The following COL5A1 variants were observed in gnomAD, a reference collection of about 807,000 sequenced individuals.
COL5A1 encodes the protein collagen type V alpha 1 chain, also known as collagen alpha-1(V) chain.
Under a neutral mutation model 263.7 loss-of-function variants are expected in COL5A1, and 16 were observed. That is an observed-to-expected ratio of 0.06 (90% CI 0.04 to 0.09). COL5A1 has a LOEUF of 0.09. COL5A1 is among the 10% of genes least tolerant of loss of function. The pLI, the probability that COL5A1 is intolerant of heterozygous loss-of-function variation, is 1.00. For synonymous variants in COL5A1, 1,012 were observed against 1,004.5 expected, an observed-to-expected ratio of 1.01 and a Z score of -0.14; for missense variants, 2,036 against 2,540.5, an observed-to-expected ratio of 0.80 and a Z score of 4.27.
intron 1 of COL5A1, among the ~76,000 whole-genome samples, chr9:134,685,824 C>A (rs934176248): frequency 2.7e-5 from 4 of 150,286 alleles, no homozygotes; most frequent in Admixed American, 6.6e-5. Flanking sequence ...ATTCATCCAT[C>A]CATCCATCCA....
chr9:134,824,720 G>A lies in COL5A1; in HGVS notation c.4819G>A (p.Gly1607Ser), dbSNP rs753525012. The A allele has an allele frequency of 4.3e-6, 7 of 1,614,226 alleles. No homozygotes were observed. Among genetic ancestry groups the A allele is most frequent in the Admixed American group, 1.7e-5 (1 of 60,032 alleles). The change falls in exon 62 of 66, where the codon GGC becomes AGC. Residue 1607 changes from glycine to serine, a missense_variant. By Grantham distance (56) the Gly-to-Ser change is moderately conservative (BLOSUM62 0). Coordinates refer to ENST00000371817, the MANE Select transcript of COL5A1 (RefSeq NM_000093.5). Reference protein sequence around the residue: ...NGENYVDYADGMEEIFGSLNS... With the variant: ...NGENYVDYADSMEEIFGSLNS... ...CGAGAACTACGTGGACTACGCGGAC[G>A]GCATGGAAGAGATCTTCGGCTCTCT... is the stretch of plus-strand genomic sequence containing the variant.
intron 1 of COL5A1, among the ~76,000 whole-genome samples, chr9:134,650,274 G>T (rs1176398817): frequency 6.6e-6 from 1 of 152,158 alleles, no homozygotes; most frequent in Non-Finnish European, 1.5e-5. Flanking sequence ...TGATCTCCCA[G>T]TGAGAACACA....
chr9:134,663,163 C>T (rs1445905869), intron 1 of COL5A1, among the ~76,000 whole-genome samples: 3 of 152,242 alleles, frequency 2.0e-5, no homozygotes, highest in Non-Finnish European at 4.4e-5. Context: ...CCATCGGACG[C>T]AGCCCCTATC....
chr9:134,792,357 T>C (rs904941830), intron 32 of COL5A1, among the ~76,000 whole-genome samples: 5 of 152,094 alleles, frequency 3.3e-5, no homozygotes, highest in Non-Finnish European at 7.4e-5. Context: ...TCTGTGCTCA[T>C]CCAGAGAGGT....
At chr9:134,670,010 T>C (rs530584512) in intron 1 of COL5A1, among the ~76,000 whole-genome samples, 2 of 152,380 alleles carry the variant, frequency 1.3e-5, no homozygotes, top group South Asian at 4.1e-4. Context: ...TTTATTTTCC[T>C]TTCCTCACAT....
Position 134,716,163 on chromosome 9 carries a change from G to A in COL5A1, c.655-11103G>A, listed in dbSNP as rs958780916. Among the ~76,000 whole-genome samples the A allele has an allele frequency of 6.6e-6, 1 of 152,126 alleles. No individual in the cohort carries two copies. The highest frequency in any genetic ancestry group is 2.4e-5 in the African/African-American group (1 of 41,430). ...GCTGATTGCTCTGGGGAGTGTTCTG[G>A]TGCAATCCCATTTAGTCCTCTGCTC... On this transcript the variant is annotated intron_variant, in intron 4 of 65. Transcript: ENST00000371817. This position sits in a 1 kb window ranked among gnomAD's most constrained non-coding sequence, Gnocchi z 4.5.
chr9:134,820,100 CT>C lies in COL5A1; in HGVS notation c.4447-14del. 6.2e-7 allele frequency: 1 copy of C among 1,607,518 alleles called. No homozygotes were observed. Among genetic ancestry groups the C allele is most frequent in the African/African-American group, 1.3e-5 (1 of 74,922 alleles). On this transcript the variant is annotated splice_polypyrimidine_tract_variant and intron_variant, in intron 57 of 65. Transcript: ENST00000371817. Reference sequence around the variant, plus strand: ...GGCTCCCTCAAATGCCCCTTCCTGTCTTCATTTTCCCACAGGGTCATCCAGG... The same window carrying C: ...GGCTCCCTCAAATGCCCCTTCCTGTCTCATTTTCCCACAGGGTCATCCAGG...
At chr9:134,822,961 C>A (rs780449801) in intron 59 of COL5A1, 37 bp from the exon 60 acceptor site, 2 of 1,613,798 alleles carry the variant, frequency 1.2e-6, no homozygotes, top group Admixed American at 1.7e-5. Flanking sequence ...GGAGCTGAGA[C>A]CCGGCTTGCT....
chr9:134,732,226 C>A (rs979879050), intron 9 of COL5A1, 99 bp downstream of exon 9: 1 of 1,261,472 alleles, frequency 7.9e-7, no homozygotes, highest in Non-Finnish European at 1.2e-6. Context: ...GGCCCCTGCA[C>A]CTGCGCGCAC....
chr9:134,770,983 T>C (rs1254254765), intron 25 of COL5A1, among the ~76,000 whole-genome samples: 1 of 152,256 alleles, frequency 6.6e-6, no homozygotes, highest in East Asian at 1.9e-4. Context: ...TTGGCCTGGA[T>C]GGGAATGGAG....
rs1034888009 is a variant in COL5A1, at chr9:134,682,695, G to A, written c.110-8217G>A. Among the ~76,000 whole-genome samples, 1 of 152,122 alleles carries A rather than the reference G, an allele frequency of 6.6e-6. No homozygotes were observed. Among genetic ancestry groups the A allele is most frequent in the Admixed American group, 6.5e-5 (1 of 15,282 alleles). On this transcript the variant is annotated intron_variant, in intron 1 of 65. Transcript: ENST00000371817. This position sits in a 1 kb window ranked among gnomAD's most constrained non-coding sequence, Gnocchi z 5.1. Reference sequence around the variant, plus strand: ...CGGCTCAGGGGGGCACCGGGACGGGGGAGCTGAGGAAAAGTCACCCCCAAG... The same window carrying A: ...CGGCTCAGGGGGGCACCGGGACGGGAGAGCTGAGGAAAAGTCACCCCCAAG...
intron 32 of COL5A1, among the ~76,000 whole-genome samples, chr9:134,793,441 G>C (rs2132797716): frequency 6.6e-6 from 1 of 152,248 alleles, no homozygotes; most frequent in East Asian, 1.9e-4. Flanking sequence ...TCTTTGGCTT[G>C]AGTTAGTTTA....
Position 134,692,676 on chromosome 9 carries a change from G to A in COL5A1, c.277+1597G>A, listed in dbSNP as rs574815149. Among the ~76,000 whole-genome samples the A allele has an allele frequency of 4.6e-5, 7 of 152,308 alleles. No homozygotes were observed. In the East Asian group the frequency reaches 7.7e-4, roughly 17 times the overall value. On this transcript the variant is annotated intron_variant, in intron 2 of 65. Coordinates refer to ENST00000371817, the MANE Select transcript of COL5A1 (RefSeq NM_000093.5). ...CTTCTCTGTGTCACCCAATTCTGGGGTGTGGGCACCACACACTCACTGGAC... is the reference window on the plus strand; with the variant it reads ...CTTCTCTGTGTCACCCAATTCTGGGATGTGGGCACCACACACTCACTGGAC...
chr9:134,812,470 G>C lies in COL5A1; in HGVS notation c.3712G>C (p.Glu1238Gln). Residue 1238 changes from glutamate to glutamine, a missense_variant, in exon 47 of 66, where the codon GAG becomes CAG. By Grantham distance (29) the Glu-to-Gln change is conservative. Coordinates refer to ENST00000371817, the MANE Select transcript of COL5A1 (RefSeq NM_000093.5). ...TCAGGGTTTGCCAGGACCTCCAGGCGAGAAGGGTGAGACAGGAGACGTGGG... is the reference window on the plus strand; with the variant it reads ...TCAGGGTTTGCCAGGACCTCCAGGCCAGAAGGGTGAGACAGGAGACGTGGG... ...GLQGLPGPPG[E>Q]KGETGDVGQM... The C allele has an allele frequency of 2.5e-6, 4 of 1,614,152 alleles. No individual in the cohort carries two copies. Among genetic ancestry groups the C allele is most frequent in the Non-Finnish European group, 3.4e-6 (4 of 1,180,028 alleles).
In COL5A1 at chr9:134,780,473, C is replaced by T. The variant is rs548833061; in HGVS notation, c.2430+327C>T. On this transcript the variant is annotated intron_variant, in intron 28 of 65. Coordinates refer to ENST00000371817, the MANE Select transcript of COL5A1 (RefSeq NM_000093.5). ...ACGTGCCTGCAGGGGCCAGTGGACA[C>T]CTGTCACCCTCCCCACTCCCAGGTG... 2.0e-5 allele frequency among the ~76,000 whole-genome samples: 3 copies of T among 152,334 alleles called. No individual in the cohort carries two copies. In the East Asian group the frequency reaches 5.8e-4, roughly 29 times the overall value.
At chr9:134,737,567 G>A (rs1835147597) in intron 9 of COL5A1, among the ~76,000 whole-genome samples, 1 of 152,244 alleles carries the variant, frequency 6.6e-6, no homozygotes, top group Non-Finnish European at 1.5e-5. Flanking sequence ...CAGTCGCCCT[G>A]AAGTCGTCAT....
At chr9:134,649,568 G>C (rs1353739433) in intron 1 of COL5A1, 1 of 447,560 alleles carries the variant, frequency 2.2e-6, no homozygotes, top group Non-Finnish European at 4.5e-6. Context: ...TAGGGTTTCT[G>C]GTGGCCTCTT....
Position 134,835,101 on chromosome 9 carries a change from C to G in COL5A1, c.5267C>G (p.Ala1756Gly), listed in dbSNP as rs1839802608. 2.5e-6 allele frequency: 4 copies of G among 1,613,718 alleles called. No homozygotes were observed. Among genetic ancestry groups the G allele is most frequent in the Non-Finnish European group, 3.4e-6 (4 of 1,180,016 alleles). The stretch of plus-strand genomic sequence containing the variant: ...CAGTCAGTGGCCTGGCAGGACGCAG[C>G]CACGGGCAGCTACGACAAGGCCCTC... ...CYQSVAWQDAATGSYDKALRF... is the reference protein window; with the variant it reads ...CYQSVAWQDAGTGSYDKALRF... Residue 1756 changes from alanine (A) to glycine (G), a missense_variant, in exon 65 of 66, where the codon GCC (alanine) becomes GGC (glycine). Transcript: ENST00000371817.
At chr9:134,769,352 C>G (rs887371625) in intron 25 of COL5A1, among the ~76,000 whole-genome samples, 1 of 152,206 alleles carries the variant, frequency 6.6e-6, no homozygotes, top group African/African-American at 2.4e-5. Context: ...CATCCCCACG[C>G]GCGCAGCTGT....
Sources: allele counts gnomAD v4.1 joint callset (sites outside exome capture counted in the v4.1 genomes callset), GRCh38; gene constraint gnomAD v4.1.1; non-coding constraint Gnocchi (gnomAD v3.1); transcripts MANE v1.5; gene names NCBI Gene and HGNC (gene_info 2026-07-23, HGNC 2026-07-21).